STX3: variants seen among roughly 807,000 people sequenced by gnomAD.
STX3 encodes syntaxin-3.
Under a neutral mutation model 40.2 loss-of-function variants are expected in STX3, and 19 were observed. The ratio of observed to expected loss-of-function variants is 0.47; its 90% CI spans 0.33 to 0.69. The LOEUF (loss-of-function observed/expected upper bound fraction) is 0.69. STX3 is among the 30% of genes least tolerant of loss of function. The probability of loss-of-function intolerance (pLI) is 0.02; values close to 1 mark genes in which losing one functional copy is unlikely to be tolerated. For missense variants in STX3, 364 were observed against 366.7 expected (o/e 0.99, Z 0.06); for synonymous variants, 122 against 132.2 (o/e 0.92, Z 0.53).
In STX3 at chr11:59,769,161, G is replaced by A. The variant is rs1300042537; in HGVS notation, c.31-4050G>A. On this transcript the variant is annotated intron_variant, in intron 1 of 10. Coordinates refer to ENST00000337979, the MANE Select transcript of STX3 (RefSeq NM_004177.5). ...AGAGGGGTTAAACCATCTGTTTAAT[G>A]TTCAGTGAGTAGCATGTGATGGACC... Among the ~76,000 whole-genome samples, 4 of 152,282 alleles carry A rather than the reference G, an allele frequency of 2.6e-5. No homozygotes were observed. The East Asian group carries it at 7.7e-4, about 29-fold the overall frequency.
At chr11:59,778,932 G>C (rs1173762498) in intron 2 of STX3, among the ~76,000 whole-genome samples, 1 of 150,840 alleles carries the variant, frequency 6.6e-6, no homozygotes, top group Non-Finnish European at 1.5e-5. Context: ...CCTCCTCCTG[G>C]GTTCAAGCGA....
chr11:59,764,037 G>A (rs1244690927), intron 1 of STX3, among the ~76,000 whole-genome samples: 1 of 151,818 alleles, frequency 6.6e-6, no homozygotes, highest in Admixed American at 6.6e-5. Context: ...AAAAATAAAA[G>A]GAATGATCAC....
intron 2 of STX3, among the ~76,000 whole-genome samples, chr11:59,784,735 A>G (rs2134983057): frequency 6.6e-6 from 1 of 152,268 alleles, no homozygotes; most frequent in South Asian, 2.1e-4. Flanking sequence ...CAGCACAGGA[A>G]AGACCCACTC....
chr11:59,788,210 T>C (rs1052269574), intron 3 of STX3, among the ~76,000 whole-genome samples: 4 of 152,240 alleles, frequency 2.6e-5, no homozygotes, highest in African/African-American at 9.6e-5. Flanking sequence ...CCCTCCAGGC[T>C]GTGCACACCT....
rs542535056 is a variant in STX3, at chr11:59,781,797, C to T, written c.115-5240C>T. The T allele has an allele frequency of 3.6e-6, 5 of 1,395,986 alleles. No individual in the cohort carries two copies. In the African/African-American group the frequency reaches 7.4e-5, roughly 21 times the overall value. The allele number at this position is 1,395,986 out of a possible 1,614,324, so 86.5% of individuals were successfully genotyped here. A position where few individuals can be genotyped will look rare whatever the true frequency, so the allele number is the denominator to read the frequency against. On this transcript the variant is annotated intron_variant, in intron 2 of 10. Coordinates refer to ENST00000337979, the MANE Select transcript of STX3 (RefSeq NM_004177.5). ...AAAGAAGCAAACAAATTAAAGAGGA[C>T]TTGACTGAGCAGCTCTAATATGAAG...
chr11:59,795,278 C>A, intron 8 of STX3, 94 bp from the exon 9 acceptor site: 2 of 1,040,954 alleles, frequency 1.9e-6, no homozygotes, highest in Non-Finnish European at 2.9e-6. Flanking sequence ...CTCTTCTTGC[C>A]ACTGAAGATT....
At chr11:59,782,581 G>A (rs1165628258) in intron 2 of STX3, among the ~76,000 whole-genome samples, 2 of 152,146 alleles carry the variant, frequency 1.3e-5, no homozygotes, top group African/African-American at 2.4e-5. Context: ...TACAGGGTGC[G>A]TTCAAGGTCA....
chr11:59,756,917 C>T (rs1401025447), intron 1 of STX3, among the ~76,000 whole-genome samples: 1 of 152,230 alleles, frequency 6.6e-6, no homozygotes, highest in African/African-American at 2.4e-5. Flanking sequence ...AAGAGTTTAT[C>T]CTTTTTCTCC....
At chr11:59,800,496 G>C in intron 10 of STX3, 1 of 985,362 alleles carries the variant, frequency 1.0e-6, no homozygotes, top group Middle Eastern at 5.2e-4. Context: ...CATGAAGATC[G>C]AGAACCAGAA....
intron 1 of STX3, among the ~76,000 whole-genome samples, chr11:59,758,082 G>C (rs1387216584): frequency 6.6e-6 from 1 of 152,084 alleles, no homozygotes; most frequent in Non-Finnish European, 1.5e-5. Context: ...ACTGCCTCCC[G>C]ATAACTGGAG....
chr11:59,763,130 A>T (rs3781793), intron 1 of STX3, among the ~76,000 whole-genome samples: 15,806 of 152,192 alleles, frequency 0.1, 1,150 homozygotes, highest in African/African-American at 0.2. Context: ...GCCGGATGAA[A>T]GAATGAACAA....
intron 9 of STX3, 150 bp downstream of exon 9, chr11:59,795,632 A>G (rs920856603): frequency 6.5e-7 from 1 of 1,539,074 alleles, no homozygotes; most frequent in Non-Finnish European, 8.7e-7. Flanking sequence ...TGAGAACAAC[A>G]TGGACCAGTC....
intron 1 of STX3, among the ~76,000 whole-genome samples, chr11:59,772,974 A>AAACACACAC (rs1554996770): frequency 0.01 from 1,412 of 140,666 alleles, 28 homozygotes; most frequent in African/African-American, 0.033. Flanking sequence ...CCCTGAAAGA[A>AAACACACAC]ACACACACAC....
rs980887498 is a variant in STX3 at position 59,795,753 on chromosome 11, T to G, written c.786+271T>G. The stretch of plus-strand genomic sequence containing the variant: ...TCAACTGTCCTTCGTCTCAGCTGTC[T>G]TACTAGTATCTCTTCTCCCTGGCCA... On this transcript the variant is annotated intron_variant, in intron 9 of 10. Transcript: ENST00000337979. The G allele has an allele frequency of 1.2e-5, 18 of 1,509,426 alleles. 1 individual carries two copies. The highest frequency in any genetic ancestry group is 1.6e-5 in the Non-Finnish European group (18 of 1,122,670). The allele number at this position is 1,509,426 out of a possible 1,614,324, so 93.5% of individuals were successfully genotyped here. A position where few individuals can be genotyped will look rare whatever the true frequency, so the allele number is the denominator to read the frequency against.
At chr11:59,755,962 C>T (rs1321328554) in intron 1 of STX3, among the ~76,000 whole-genome samples, 2 of 152,250 alleles carry the variant, frequency 1.3e-5, no homozygotes, top group Admixed American at 6.5e-5. Flanking sequence ...CTGCCCACTG[C>T]TGCCTGGCAC....
At chr11:59,761,572 C>T (rs1863036846) in intron 1 of STX3, among the ~76,000 whole-genome samples, 1 of 152,212 alleles carries the variant, frequency 6.6e-6, no homozygotes, top group South Asian at 2.1e-4. Flanking sequence ...CCCGCAGATT[C>T]TGTAGTCCCT....
At chr11:59,770,762 T>C (rs1863572993) in intron 1 of STX3, among the ~76,000 whole-genome samples, 1 of 152,192 alleles carries the variant, frequency 6.6e-6, no homozygotes, top group Non-Finnish European at 1.5e-5. Flanking sequence ...AATTAATTAA[T>C]GACAAGTACA....
intron 1 of STX3, among the ~76,000 whole-genome samples, chr11:59,769,675 C>T (rs981791541): frequency 3.3e-5 from 5 of 152,120 alleles, no homozygotes; most frequent in Admixed American, 6.5e-5. Flanking sequence ...CAAGAACTTA[C>T]GTCATGATGG....
intron 1 of STX3, among the ~76,000 whole-genome samples, chr11:59,769,991 TATG>T (rs1338624070): frequency 2.0e-5 from 3 of 149,150 alleles, no homozygotes; most frequent in Non-Finnish European, 3.0e-5. Flanking sequence ...GTGGGAGGGT[TATG>T]AGTGTGTGTG....
Sources: allele counts gnomAD v4.1 joint callset (sites outside exome capture counted in the v4.1 genomes callset), GRCh38; gene constraint gnomAD v4.1.1; transcripts MANE v1.5; gene names NCBI Gene and HGNC (gene_info 2026-07-23, HGNC 2026-07-21).